RFX3: variants seen among roughly 807,000 people sequenced by gnomAD.
RFX3 encodes the protein transcription factor RFX3.
In RFX3, 14 loss-of-function variants were observed where a neutral mutation model predicts 98.6. That is an observed-to-expected ratio of 0.14 (90% CI 0.09 to 0.22). The LOEUF (loss-of-function observed/expected upper bound fraction) is 0.22, where lower values mean the gene tolerates loss of function less well. Ranked by LOEUF, RFX3 falls within the 10% of genes least tolerant of loss-of-function variation. The pLI is 1.00. For synonymous variants in RFX3, 383 were observed against 328.4 expected (o/e 1.17, Z -1.80); for missense variants, 639 against 926.9 (o/e 0.69, Z 4.03).
chr9:3,507,389 CAT>C (rs919972091), intron 1 of RFX3, among the ~76,000 whole-genome samples: 14 of 152,056 alleles, frequency 9.2e-5, no homozygotes, highest in African/African-American at 2.9e-4. Context: ...TAAACACTCA[CAT>C]GTCAGGCACA....
At chr9:3,429,024 TC>T (rs1355780180) in intron 1 of RFX3, among the ~76,000 whole-genome samples, 1 of 141,280 alleles carries the variant, frequency 7.1e-6, no homozygotes, top group African/African-American at 2.9e-5. Context: ...TTTTAGTTAC[TC>T]TTTTTTTTTT....
chr9:3,267,929 C>T (rs1369704109), intron 11 of RFX3, among the ~76,000 whole-genome samples: 1 of 151,740 alleles, frequency 6.6e-6, no homozygotes, highest in African/African-American at 2.4e-5. Flanking sequence ...GAAAAATAAC[C>T]CCCAAATCTA....
chr9:3,238,197 T>A (rs1242428097), intron 15 of RFX3, among the ~76,000 whole-genome samples: 1 of 152,134 alleles, frequency 6.6e-6, no homozygotes, highest in African/African-American at 2.4e-5. Flanking sequence ...GGTCATAAGA[T>A]GGTGATTTTA....
intron 13 of RFX3, among the ~76,000 whole-genome samples, chr9:3,260,933 A>G (rs1398128925): frequency 1.3e-5 from 2 of 150,944 alleles, no homozygotes; most frequent in African/African-American, 4.8e-5. Context: ...TATATATCTC[A>G]GAAGTTTGAA....
chr9:3,338,168 A>G (rs2131006697), intron 3 of RFX3, among the ~76,000 whole-genome samples: 1 of 152,364 alleles, frequency 6.6e-6, no homozygotes, highest in Non-Finnish European at 1.5e-5. Flanking sequence ...ACATAAGAAT[A>G]AAAAAGAATA....
intron 4 of RFX3, among the ~76,000 whole-genome samples, chr9:3,318,665 A>G (rs952740225): frequency 1.3e-5 from 2 of 152,082 alleles, no homozygotes; most frequent in African/African-American, 4.8e-5. Context: ...GTTCAAATAC[A>G]TGAAATCTTT....
intron 9 of RFX3, among the ~76,000 whole-genome samples, chr9:3,274,971 C>T (rs1411790337): frequency 6.6e-6 from 1 of 151,862 alleles, no homozygotes; most frequent in Non-Finnish European, 1.5e-5. Context: ...AATATGTATA[C>T]ATAATTTTTT....
At chr9:3,228,921 A>G in intron 15 of RFX3, 32 bp from the exon 16 acceptor site, 2 of 1,580,096 alleles carry the variant, frequency 1.3e-6, no homozygotes, top group Non-Finnish European at 1.7e-6. Context: ...TGCAATAGTT[A>G]ATATAGGGCA....
At chr9:3,298,893 C>T (rs1050529462) in intron 5 of RFX3, among the ~76,000 whole-genome samples, 3 of 151,656 alleles carry the variant, frequency 2.0e-5, no homozygotes, top group Admixed American at 1.3e-4. Context: ...AGACTTTTCA[C>T]CCAAAAGTCA....
chr9:3,439,620 T>C (rs1245191154), intron 1 of RFX3, among the ~76,000 whole-genome samples: 1 of 152,034 alleles, frequency 6.6e-6, no homozygotes, highest in African/African-American at 2.4e-5. Flanking sequence ...TAATGTGATA[T>C]ATGTATTAAA....
At chr9:3,297,180 C>T (rs966083295) in intron 5 of RFX3, among the ~76,000 whole-genome samples, 1 of 151,960 alleles carries the variant, frequency 6.6e-6, no homozygotes, top group Non-Finnish European at 1.5e-5. Context: ...CATTAGTATT[C>T]CCCAATCTTA....
intron 1 of RFX3, among the ~76,000 whole-genome samples, chr9:3,494,288 G>C (rs1850952824): frequency 6.6e-6 from 1 of 152,174 alleles, no homozygotes; most frequent in South Asian, 2.1e-4. Context: ...GTGATAAGCA[G>C]AGTTGTTGAC....
intron 7 of RFX3, among the ~76,000 whole-genome samples, chr9:3,285,482 T>G (rs543482989): frequency 5.9e-5 from 9 of 151,830 alleles, no homozygotes; most frequent in African/African-American, 2.2e-4. Context: ...TTCTTTCCTG[T>G]CTAAATATTT....
Position 3,402,523 on chromosome 9 carries a change from G to T in RFX3, c.-8-6927C>A, listed in dbSNP as rs188209082. Among the ~76,000 whole-genome samples the T allele has an allele frequency of 1.2e-3, 175 of 152,036 alleles. 1 individual carries two copies. The highest frequency in any genetic ancestry group is 7.7e-4 in the East Asian group (4 of 5,176). On this transcript the variant is annotated intron_variant, in intron 1 of 16. Coordinates refer to ENST00000617270, the MANE Select transcript of RFX3 (RefSeq NM_001282116.2). Reference sequence around the variant, plus strand: ...ATTCAAGAATAACTTATTTACAAGAGCATTAGAAACCTGATTCAACATAAG... The same window carrying T: ...ATTCAAGAATAACTTATTTACAAGATCATTAGAAACCTGATTCAACATAAG...
rs577189626 is a variant in RFX3, at chr9:3,455,523, T to A, written c.-8-59927A>T. 2.6e-5 allele frequency among the ~76,000 whole-genome samples: 4 copies of A among 152,346 alleles called. No homozygotes were observed. In the South Asian group the frequency reaches 6.2e-4, roughly 24 times the overall value. On this transcript the variant is annotated intron_variant, in intron 1 of 16. Transcript: ENST00000617270. ...TTAATGTCTACCTTTTCCATCAGACTGTCAGTGCCATAAAGAGTAAAAAGG... is the reference window on the plus strand; with the variant it reads ...TTAATGTCTACCTTTTCCATCAGACAGTCAGTGCCATAAAGAGTAAAAAGG...
At chr9:3,360,979 T>C (rs1836353729) in intron 2 of RFX3, among the ~76,000 whole-genome samples, 1 of 152,212 alleles carries the variant, frequency 6.6e-6, no homozygotes, top group African/African-American at 2.4e-5. Flanking sequence ...CTTCATTGCC[T>C]TTCACACAGA....
intron 1 of RFX3, among the ~76,000 whole-genome samples, chr9:3,508,783 C>G (rs567918136): frequency 1.1e-4 from 16 of 152,036 alleles, no homozygotes; most frequent in Non-Finnish European, 1.9e-4. Flanking sequence ...ACAAATGAGG[C>G]TGCAGAGAGC....
chr9:3,461,126 T>C (rs958801228), intron 1 of RFX3, among the ~76,000 whole-genome samples: 4 of 151,192 alleles, frequency 2.6e-5, no homozygotes, highest in Admixed American at 6.6e-5. Flanking sequence ...CTAAACTAGA[T>C]AGACAAAATA....
intron 2 of RFX3, among the ~76,000 whole-genome samples, chr9:3,362,946 GGATA>G (rs138176548): frequency 8.9e-4 from 136 of 152,292 alleles, no homozygotes; most frequent in African/African-American, 3.1e-3. Flanking sequence ...CGACAAAACA[GGATA>G]GATATTACAT....
Sources: allele counts gnomAD v4.1 joint callset (sites outside exome capture counted in the v4.1 genomes callset), GRCh38; gene constraint gnomAD v4.1.1; transcripts MANE v1.5; gene names NCBI Gene and HGNC (gene_info 2026-07-23, HGNC 2026-07-21).